CFAP44: variants seen among roughly 807,000 people sequenced by gnomAD.
CFAP44 encodes the protein cilia and flagella associated protein 44, also known as cilia- and flagella-associated protein 44.
Under a neutral mutation model 216.2 loss-of-function variants are expected in CFAP44, and 134 were observed. The ratio of observed to expected loss-of-function variants is 0.62; its 90% CI spans 0.54 to 0.72. The LOEUF (loss-of-function observed/expected upper bound fraction) is 0.72, where lower values mean the gene tolerates loss of function less well. Ranked by LOEUF, CFAP44 falls within the 30% of genes least tolerant of loss-of-function variation. CFAP44 has a pLI of 0.00. For synonymous variants in CFAP44, 700 were observed against 727.6 expected, an observed-to-expected ratio of 0.96 and a Z score of 0.61; for missense variants, 2,035 against 2,182.1, an observed-to-expected ratio of 0.93 and a Z score of 1.34.
intron 6 of CFAP44, among the ~76,000 whole-genome samples, chr3:113,415,574 A>G (rs1318423391): frequency 6.6e-6 from 1 of 152,026 alleles, no homozygotes; most frequent in Non-Finnish European, 1.5e-5. Context: ...CTTTGTTCTC[A>G]TTGGTTTCAA....
intron 15 of CFAP44, among the ~76,000 whole-genome samples, chr3:113,388,954 A>G (rs1385478223): frequency 6.6e-6 from 1 of 152,194 alleles, no homozygotes; most frequent in Non-Finnish European, 1.5e-5. Flanking sequence ...AACTGTCAAC[A>G]CTGGACAGAT....
intron 31 of CFAP44, 90 bp downstream of exon 31, chr3:113,304,946 C>T: frequency 1.8e-6 from 2 of 1,138,060 alleles, no homozygotes; most frequent in African/African-American, 1.5e-5. Context: ...CACGATTCTC[C>T]CCATTAGTGA....
At chr3:113,407,155 T>A in intron 7 of CFAP44, 114 bp from the exon 8 acceptor site, 1 of 800,916 alleles carries the variant, frequency 1.2e-6, no homozygotes, top group Non-Finnish European at 2.0e-6. Context: ...CATTCATTCA[T>A]TCATTTATCT....
chr3:113,326,386 C>T, intron 28 of CFAP44, 59 bp downstream of exon 28: 2 of 1,396,758 alleles, frequency 1.4e-6, no homozygotes, highest in South Asian at 1.7e-5. Flanking sequence ...CCCTTAGTTA[C>T]CTCTCTATTT....
intron 28 of CFAP44, among the ~76,000 whole-genome samples, chr3:113,318,070 T>C (rs937272968): frequency 6.6e-6 from 1 of 152,036 alleles, no homozygotes; most frequent in African/African-American, 2.4e-5. Context: ...CAGTCTAAAA[T>C]GACTGAAATG....
chr3:113,427,050 G>A (rs888113981), intron 3 of CFAP44, 137 bp downstream of exon 3: 3 of 954,642 alleles, frequency 3.1e-6, no homozygotes, highest in African/African-American at 3.4e-5. Flanking sequence ...ACCAAAATAT[G>A]TACTTGTCCT....
intron 15 of CFAP44, among the ~76,000 whole-genome samples, chr3:113,387,263 G>A (rs766506851): frequency 1.1e-4 from 17 of 152,162 alleles, no homozygotes; most frequent in South Asian, 2.1e-4. Flanking sequence ...AGCACAGCTC[G>A]CAGCTCTGGG....
chr3:113,317,727 G>C (rs937220657), intron 28 of CFAP44, among the ~76,000 whole-genome samples: 1 of 152,248 alleles, frequency 6.6e-6, no homozygotes, highest in Non-Finnish European at 1.5e-5. Flanking sequence ...AGTATTGAGA[G>C]GGGTGAGATG....
At chr3:113,416,432 C>T in intron 6 of CFAP44, 93 bp downstream of exon 6, 2 of 988,536 alleles carry the variant, frequency 2.0e-6, no homozygotes, top group Non-Finnish European at 3.1e-6. Context: ...TTCTGTTTCT[C>T]TGGAGAACCT....
intron 3 of CFAP44, 86 bp downstream of exon 3, chr3:113,427,101 T>C: frequency 7.0e-7 from 1 of 1,418,444 alleles, no homozygotes; most frequent in Non-Finnish European, 9.7e-7. Flanking sequence ...CACATTTTTC[T>C]TTCTATGGAT....
rs1426974936 is a variant in CFAP44, at chr3:113,366,092, A to T, written c.2662T>A (p.Phe888Ile). ...TCTTTCCTTAGCATAAATTCAGAAA[A>T]AATGTTGAAAACAAAGATATTGCCA... Reference protein sequence around the residue: ...ADGNIFVFNIFSEFMLRKDMK... With the variant: ...ADGNIFVFNIISEFMLRKDMK... Residue 888 changes from phenylalanine to isoleucine, a missense_variant, in exon 19 of 35, where the codon TTT (phenylalanine) becomes ATT (isoleucine). Physicochemically the swap from Phe to Ile is conservative, Grantham distance 21. Transcript: ENST00000393845. 6.2e-7 allele frequency: 1 copy of T among 1,614,002 alleles called. No individual in the cohort carries two copies. Among genetic ancestry groups the T allele is most frequent in the South Asian group, 1.1e-5 (1 of 91,060 alleles).
chr3:113,313,772 G>A (rs1270073012), intron 28 of CFAP44, among the ~76,000 whole-genome samples: 1 of 152,176 alleles, frequency 6.6e-6, no homozygotes, highest in African/African-American at 2.4e-5. Context: ...CCACCACCAT[G>A]TAAGAAGTGC....
chr3:113,405,922 T>C (rs1050617138), intron 8 of CFAP44, among the ~76,000 whole-genome samples: 1 of 152,202 alleles, frequency 6.6e-6, no homozygotes, highest in Non-Finnish European at 1.5e-5. Context: ...TCCTCCTATA[T>C]ACCATGCTTT....
intron 15 of CFAP44, among the ~76,000 whole-genome samples, chr3:113,389,599 C>T (rs1486060124): frequency 6.6e-6 from 1 of 151,488 alleles, no homozygotes; most frequent in African/African-American, 2.4e-5. Flanking sequence ...GATAAATTGA[C>T]AAACCTTTAG....
chr3:113,380,841 T>A, intron 16 of CFAP44, 58 bp downstream of exon 16: 1 of 1,372,300 alleles, frequency 7.3e-7, no homozygotes, highest in Non-Finnish European at 9.7e-7. Flanking sequence ...ACATAGGATA[T>A]TTTATATTCT....
chr3:113,353,919 C>A (rs1420004090), intron 22 of CFAP44, among the ~76,000 whole-genome samples: 1 of 152,118 alleles, frequency 6.6e-6, no homozygotes, highest in Non-Finnish European at 1.5e-5. Context: ...ACAGAATAAT[C>A]CACAGATCTC....
chr3:113,379,875 G>C (rs1175928472), intron 16 of CFAP44, among the ~76,000 whole-genome samples: 1 of 152,088 alleles, frequency 6.6e-6, no homozygotes, highest in Non-Finnish European at 1.5e-5. Flanking sequence ...TAGTCCACAA[G>C]GAAAGTTGCT....
chr3:113,291,854 A>C (rs1253603814), intron 34 of CFAP44, 106 bp from the exon 35 acceptor site: 24 of 1,217,114 alleles, frequency 2.0e-5, no homozygotes, highest in Non-Finnish European at 2.4e-5. Flanking sequence ...CAGTCACCCT[A>C]AACAGCCACT....
intron 7 of CFAP44, among the ~76,000 whole-genome samples, chr3:113,408,736 G>A (rs879589427): frequency 1.1e-4 from 17 of 151,828 alleles, no homozygotes; most frequent in Non-Finnish European, 2.9e-5. Context: ...TGTGGTGGGT[G>A]CCTGTAGTCC....
Sources: allele counts gnomAD v4.1 joint callset (sites outside exome capture counted in the v4.1 genomes callset), GRCh38; gene constraint gnomAD v4.1.1; transcripts MANE v1.5; gene names NCBI Gene and HGNC (gene_info 2026-07-23, HGNC 2026-07-21).